Variants in GLB1 observed in about 807,000 individuals in gnomAD.
GLB1 encodes beta-galactosidase.
A neutral mutation model predicts 74.0 loss-of-function variants in GLB1; 56 were observed. The ratio of observed to expected loss-of-function variants is 0.76; its 90% confidence interval spans 0.61 to 0.94. The LOEUF (loss-of-function observed/expected upper bound fraction) is 0.94, where lower values mean the gene tolerates loss of function less well. Ranked by LOEUF, GLB1 falls within the 40% of genes least tolerant of loss-of-function variation. The probability of loss-of-function intolerance (pLI) is 0.00; values close to 1 mark genes in which losing one functional copy is unlikely to be tolerated. For synonymous variants in GLB1, 323 were observed against 323.6 expected (o/e 1.00, Z 0.02); for missense variants, 787 against 845.5 (o/e 0.93, Z 0.86).
At chr3:32,978,922 G>T in the GLB1 span, among the ~76,000 whole-genome samples, 3 of 130,516 alleles carry the variant, frequency 2.3e-5, no homozygotes, top group Non-Finnish European at 5.0e-5. Flanking sequence ...ACCACACCCG[G>T]CTAATTTTTT....
the GLB1 span, among the ~76,000 whole-genome samples, chr3:32,979,851 C>T: frequency 4.0e-5 from 1 of 25,220 alleles, no homozygotes; most frequent in Non-Finnish European, 8.3e-5. Flanking sequence ...GACCCTGTCT[C>T]AAAAAAAAAA....
At chr3:33,018,283 C>A (rs62253972) in intron 13 of GLB1, among the ~76,000 whole-genome samples, 165 bp downstream of exon 13, 1 of 45,590 alleles carries the variant, frequency 2.2e-5, no homozygotes, top group Admixed American at 4.0e-4. Context: ...AAAACCCTGT[C>A]TCAAAAAAAA....
chr3:33,037,082 G>T (rs1344828258), intron 10 of GLB1, among the ~76,000 whole-genome samples: 10 of 143,978 alleles, frequency 6.9e-5, no homozygotes, highest in African/African-American at 2.3e-4. Flanking sequence ...GTCTTGCTCT[G>T]TCACCCATGC....
intron 1 of GLB1, among the ~76,000 whole-genome samples, chr3:33,094,603 C>T (rs1168083190): frequency 6.6e-6 from 1 of 152,178 alleles, no homozygotes; most frequent in East Asian, 1.9e-4. Flanking sequence ...GGAGAGAGCC[C>T]TTCAGGGGTC....
chr3:33,024,208 C>A, intron 11 of GLB1, 43 bp downstream of exon 11: 1 of 1,570,976 alleles, frequency 6.4e-7, no homozygotes, highest in South Asian at 1.1e-5. Flanking sequence ...CTTTCTCACT[C>A]CCATCTCTCA....
chr3:32,962,160 C>T, the GLB1 span, among the ~76,000 whole-genome samples: 1 of 150,100 alleles, frequency 6.7e-6, no homozygotes, highest in Admixed American at 6.7e-5. Flanking sequence ...CGTCATTGCA[C>T]TTCAGCCTGG....
chr3:33,088,493 A>C (rs9858362), intron 1 of GLB1, among the ~76,000 whole-genome samples: 110,575 of 151,618 alleles, frequency 0.73, 40,663 homozygotes, highest in East Asian at 0.98. Context: ...TTCTCTATAC[A>C]CTAAAAATGA....
At chr3:33,074,897 C>A (rs912004543) in intron 1 of GLB1, among the ~76,000 whole-genome samples, 1 of 152,078 alleles carries the variant, frequency 6.6e-6, no homozygotes, top group African/African-American at 2.4e-5. Context: ...ATCCAACTGG[C>A]GAGCGGAAGT....
intron 10 of GLB1, among the ~76,000 whole-genome samples, chr3:33,031,407 G>A (rs1697999067): frequency 6.6e-6 from 1 of 151,684 alleles, no homozygotes. Flanking sequence ...ACTTTGGGAG[G>A]CCAAGGCGGG....
chr3:33,056,280 T>C (rs927508117), intron 6 of GLB1, among the ~76,000 whole-genome samples: 1 of 149,232 alleles, frequency 6.7e-6, no homozygotes, highest in Non-Finnish European at 1.5e-5. Context: ...AATTTCCTCA[T>C]TTCAGTCTTC....
chr3:33,038,760 C>T (rs116624387), intron 10 of GLB1, among the ~76,000 whole-genome samples: 96 of 152,262 alleles, frequency 6.3e-4, no homozygotes, highest in African/African-American at 2.2e-3. Flanking sequence ...AGAAAGTGAA[C>T]CAGAAGCGGA....
In GLB1 at chr3:33,053,482, G is replaced by T. The variant is rs755373106; in HGVS notation, c.792+9C>A. 6.2e-7 allele frequency: 1 copy of T among 1,614,076 alleles called. No individual in the cohort carries two copies. Among genetic ancestry groups the T allele is most frequent in the Admixed American group, 1.7e-5 (1 of 60,020 alleles). On this transcript the variant is annotated intron_variant, in intron 7 of 15. Coordinates refer to ENST00000307363, the MANE Select transcript of GLB1 (RefSeq NM_000404.4). ...AGCTGCAAACACACACCTCACCCTC[G>T]ATTCTTACCAAGGGTCCTTTGGGCT...
At chr3:33,081,023 T>C (rs1451998965) in intron 1 of GLB1, among the ~76,000 whole-genome samples, 1 of 152,148 alleles carries the variant, frequency 6.6e-6, no homozygotes. Flanking sequence ...GCAGTCGGTA[T>C]CTGCACTGGC....
chr3:33,081,438 T>C (rs1477238764), intron 1 of GLB1, among the ~76,000 whole-genome samples: 1 of 152,182 alleles, frequency 6.6e-6, no homozygotes, highest in Non-Finnish European at 1.5e-5. Flanking sequence ...ATGCCAGGAC[T>C]GCCTTGGCAT....
At chr3:33,084,167 G>C (rs1054022230) in intron 1 of GLB1, among the ~76,000 whole-genome samples, 4 of 152,164 alleles carry the variant, frequency 2.6e-5, no homozygotes, top group African/African-American at 9.7e-5. Context: ...TTCAGCTCCA[G>C]GATGCCAGAG....
the GLB1 span, among the ~76,000 whole-genome samples, chr3:32,969,632 G>A: frequency 2.0e-5 from 3 of 152,148 alleles, no homozygotes; most frequent in Non-Finnish European, 4.4e-5. Context: ...CAAATGAAAA[G>A]GCTTGGTTTT....
At chr3:33,011,973 G>C (rs1316436466) in intron 15 of GLB1, among the ~76,000 whole-genome samples, 1 of 152,144 alleles carries the variant, frequency 6.6e-6, no homozygotes, top group Non-Finnish European at 1.5e-5. Context: ...AACCACCGAA[G>C]TGCTTCTGTC....
intron 3 of GLB1, 119 bp from the exon 4 acceptor site, chr3:33,068,409 T>G: frequency 7.4e-7 from 1 of 1,357,424 alleles, no homozygotes; most frequent in Non-Finnish European, 9.9e-7. Context: ...AAGGGGTATT[T>G]GAGCTGGGCT....
At chr3:33,009,399 G>A (rs1165016604) in intron 15 of GLB1, among the ~76,000 whole-genome samples, 3 of 151,862 alleles carry the variant, frequency 2.0e-5, no homozygotes, top group African/African-American at 7.3e-5. Context: ...GGGGGTGCCT[G>A]TAATCCCAGC....
Sources: gnomAD v4.1 joint callset for allele counts (sites outside exome capture counted in the v4.1 genomes callset) on GRCh38, gnomAD v4.1.1 for gene constraint, MANE v1.5 for transcripts, NCBI Gene and HGNC (gene_info 2026-07-23, HGNC 2026-07-21) for gene names.